The following ZNF883 variants were observed in gnomAD, a reference collection of about 807,000 sequenced individuals.
ZNF883 encodes the protein zinc finger protein 883.
In ZNF883 at chr9:112,997,206, T is replaced by C. The variant is rs535589561; in HGVS notation, n.1054A>G. On this transcript the variant is annotated non_coding_transcript_exon_variant, in exon 1 of 1. Transcript: ENST00000639662. ...TGACAAAAGACATCACCACACTTAG[T>C]ACATTGATAGGGTCTCTCCCTTGTA... 6.2e-6 allele frequency: 10 copies of C among 1,613,970 alleles called. No homozygotes were observed. The African/African-American group carries it at 6.7e-5, about 11-fold the overall frequency.
intron 1 of ZNF883, among the ~76,000 whole-genome samples, chr9:112,990,847 G>GTA (rs992158187): frequency 6.6e-6 from 1 of 152,126 alleles, no homozygotes; most frequent in African/African-American, 2.4e-5. Context: ...TTGGGAGGGT[G>GTA]TATGTGTCCA....
At chr9:113,009,349 G>A (rs920190242) in intron 2 of ZNF883, among the ~76,000 whole-genome samples, 4 of 152,058 alleles carry the variant, frequency 2.6e-5, no homozygotes, top group African/African-American at 9.7e-5. Context: ...AACTCCTACT[G>A]TGCTGCTATC....
At chr9:112,990,100 C>A (rs150067624) in intron 1 of ZNF883, among the ~76,000 whole-genome samples, 2 of 152,092 alleles carry the variant, frequency 1.3e-5, no homozygotes, top group South Asian at 2.1e-4. Flanking sequence ...ATTTGAATAC[C>A]CTTTATTTCT....
intron 1 of ZNF883, among the ~76,000 whole-genome samples, chr9:112,991,530 C>G (rs1828302852): frequency 6.6e-6 from 1 of 151,938 alleles, no homozygotes; most frequent in African/African-American, 2.4e-5. Context: ...AGAGTCAGTG[C>G]ATTGCGGCAC....
intron 2 of ZNF883, among the ~76,000 whole-genome samples, chr9:113,004,724 C>T (rs559879049): frequency 1.3e-5 from 2 of 151,350 alleles, no homozygotes; most frequent in African/African-American, 4.9e-5. Context: ...TATTCTGTTA[C>T]AGTAGCCCAA....
downstream of ZNF883, among the ~76,000 whole-genome samples, chr9:112,994,739 C>T (rs927249546): frequency 1.3e-5 from 2 of 151,668 alleles, no homozygotes; most frequent in Non-Finnish European, 2.9e-5. Flanking sequence ...TTTTCTATTT[C>T]TCCTACTTTT....
At chr9:113,002,926 C>T (rs1477329049), upstream of ZNF883, among the ~76,000 whole-genome samples, 2 of 152,186 alleles carry the variant, frequency 1.3e-5, no homozygotes, top group Non-Finnish European at 2.9e-5. Context: ...CAACAAGGCA[C>T]CATCCTGAAG....
At chr9:112,998,307 G>A (rs7036363), upstream of ZNF883, 231,965 of 1,420,348 alleles carry the variant, frequency 0.16, 22,359 homozygotes, top group East Asian at 0.39. Context: ...CATTTTTGTC[G>A]GTATGTAATA....
At chr9:112,995,361 C>A (rs1189402567), downstream of ZNF883, among the ~76,000 whole-genome samples, 1 of 150,882 alleles carries the variant, frequency 6.6e-6, no homozygotes, top group Admixed American at 6.6e-5. Flanking sequence ...ACCATCGGCT[C>A]TCCTGAGTCT....
chr9:113,011,957 G>T (rs557865167), intron 1 of ZNF883, among the ~76,000 whole-genome samples, 193 bp downstream of exon 1: 1 of 152,072 alleles, frequency 6.6e-6, no homozygotes, highest in Non-Finnish European at 1.5e-5. Context: ...CGGGATGCTG[G>T]CCCAGGTCAC....
chr9:112,995,301 T>C (rs4979204), downstream of ZNF883, among the ~76,000 whole-genome samples: 71,821 of 151,956 alleles, frequency 0.47, 18,668 homozygotes, highest in East Asian at 0.81. Context: ...CACCTTCAGT[T>C]TTCCTGCCCT....
exon 1 of ZNF883, chr9:112,997,934 C>G (rs915139285): frequency 6.2e-7 from 1 of 1,613,584 alleles, no homozygotes; most frequent in Admixed American, 1.7e-5. Context: ...AAGGGATGAC[C>G]TATGACTAAA....
At chr9:112,993,656 C>A (rs1828322952), downstream of ZNF883, among the ~76,000 whole-genome samples, 1 of 152,200 alleles carries the variant, frequency 6.6e-6, no homozygotes, top group East Asian at 1.9e-4. Flanking sequence ...GGGGAAAAGA[C>A]TAAGTCTGTT....
At position 113,004,550 on chromosome 9, in the gene ZNF883, T is replaced by C. The variant is rs138893008; in HGVS notation, n.166-2477A>G. Among the ~76,000 whole-genome samples the C allele has an allele frequency of 5.9e-3, 902 of 152,038 alleles. 13 individuals are homozygous for C. Among genetic ancestry groups the C allele is most frequent in the African/African-American group, 0.021 (870 of 41,456 alleles). The stretch of plus-strand genomic sequence containing the variant: ...CTTGTAAGAGGAAACATGAGAGAAA[T>C]GATCTTTCTCTTTGCCATGTGAGGA... On this transcript the variant is annotated intron_variant and non_coding_transcript_variant, in intron 2 of 4. Coordinates refer to the ZNF883 transcript ENST00000638622.
exon 1 of ZNF883, chr9:112,997,545 A>T: frequency 6.2e-7 from 1 of 1,614,044 alleles, no homozygotes; most frequent in Non-Finnish European, 8.5e-7. Flanking sequence ...CATGCATTAC[A>T]CTCATAGGGT....
chr9:112,996,795 A>G (rs1266647818), downstream of ZNF883, among the ~76,000 whole-genome samples: 256 of 33,650 alleles, frequency 7.6e-3, 4 homozygotes, highest in East Asian at 0.062. Context: ...CGTCTCAAAA[A>G]AAAAAAAAAA....
chr9:112,989,529 T>C (rs1828282063), intron 1 of ZNF883, among the ~76,000 whole-genome samples: 1 of 152,218 alleles, frequency 6.6e-6, no homozygotes, highest in South Asian at 2.1e-4. Context: ...TGTAGCCTCA[T>C]AGTATAGTTT....
chr9:113,003,340 T>A (rs973046215), intron 2 of ZNF883, among the ~76,000 whole-genome samples: 2 of 152,148 alleles, frequency 1.3e-5, no homozygotes, highest in Non-Finnish European at 2.9e-5. Context: ...TTATGAGGCC[T>A]TCCCAGCTTG....
At chr9:113,002,931 C>A (rs977088211), upstream of ZNF883, among the ~76,000 whole-genome samples, 1 of 152,184 alleles carries the variant, frequency 6.6e-6, no homozygotes, top group Non-Finnish European at 1.5e-5. Flanking sequence ...AGGCACCATC[C>A]TGAAGCATAG....
Sources: gnomAD v4.1 joint callset for allele counts (sites outside exome capture counted in the v4.1 genomes callset) on GRCh38, gnomAD v4.1.1 for gene constraint, MANE v1.5 for transcripts, NCBI Gene and HGNC (gene_info 2026-07-23, HGNC 2026-07-21) for gene names.